Variants in TRIM4 observed in about 807,000 individuals in gnomAD.
TRIM4 encodes the protein E3 ubiquitin-protein ligase TRIM4.
TRIM4 carries 29 observed loss-of-function variants against 33.7 expected under a neutral mutation model. That is an observed-to-expected ratio of 0.86 (90% confidence interval 0.64 to 1.17). The LOEUF (loss-of-function observed/expected upper bound fraction) is 1.17. Ranked by LOEUF, TRIM4 falls within the 50% of genes most tolerant of loss-of-function variation. The pLI is 0.00. For synonymous variants in TRIM4, 224 were observed against 233.0 expected (o/e 0.96, Z 0.35); for missense variants, 554 against 593.7 (o/e 0.93, Z 0.69).
chr7:99,892,483 C>CA lies in TRIM4; in HGVS notation c.1104dup (p.Gly369TrpfsTer12), dbSNP rs752364699. ...CCCATGACGTCCTCCCGACACACCC[C>CA]AACAGCAACCTCCAGACTATCTCTA... On this transcript the variant is annotated frameshift_variant, in exon 6 of 6. Coordinates refer to ENST00000349062, the MANE Select transcript of TRIM4 (RefSeq NM_033091.3). LOFTEE classifies it low-confidence loss of function (END_TRUNC). 4.3e-6 allele frequency: 7 copies of CA among 1,614,164 alleles called. No homozygotes were observed. The Admixed American group carries it at 1.2e-4, about 27-fold the overall frequency.
intron 1 of TRIM4, among the ~76,000 whole-genome samples, chr7:99,916,544 C>T (rs531484110): frequency 9.2e-5 from 14 of 152,296 alleles, no homozygotes; most frequent in African/African-American, 3.4e-4. Context: ...AGTCATCTAC[C>T]TGCCATCTGA....
intron 5 of TRIM4, chr7:99,901,804 C>T: frequency 3.3e-6 from 1 of 305,424 alleles, no homozygotes; most frequent in Non-Finnish European, 6.0e-6. Context: ...TAGATTTTCA[C>T]AGGCATGTGC....
At chr7:99,907,536 GTATTTTAAATGTGT>G (rs1192317549) in intron 3 of TRIM4, among the ~76,000 whole-genome samples, 2 of 152,196 alleles carry the variant, frequency 1.3e-5, no homozygotes, top group African/African-American at 4.8e-5. Flanking sequence ...TGTTAAGCCT[GTATTTTAAATGTGT>G]TATTTCAGAG....
At chr7:99,903,963 C>A (rs1381275103) in intron 3 of TRIM4, among the ~76,000 whole-genome samples, 3 of 152,170 alleles carry the variant, frequency 2.0e-5, no homozygotes, top group Non-Finnish European at 2.9e-5. Flanking sequence ...TGTTGTTTTA[C>A]AAGATTGCTT....
intron 5 of TRIM4, among the ~76,000 whole-genome samples, chr7:99,896,040 TTG>T (rs374510134): frequency 6.6e-6 from 1 of 152,288 alleles, no homozygotes; most frequent in African/African-American, 2.4e-5. Flanking sequence ...ATGATTAGAT[TTG>T]TGTCTATTAT....
Position 99,892,017 on chromosome 7 carries a change from A to G in TRIM4, c.*146T>C. The G allele has an allele frequency of 1.4e-6, 1 of 721,578 alleles. No homozygotes were observed. Among genetic ancestry groups the G allele is most frequent in the Non-Finnish European group, 2.2e-6 (1 of 454,916 alleles). 44.7% of individuals were successfully genotyped at this position (721,578 alleles called of 1,614,324 possible). A position where few individuals can be genotyped will look rare whatever the true frequency, so the allele number is the denominator to read the frequency against. ...TGGGACTGCCTCTTGTGAAGCACAC[A>G]AAGGGCAGATACCAAACGGTACCGT... On this transcript the variant is annotated 3_prime_UTR_variant, in exon 6 of 6. Transcript: ENST00000349062.
chr7:99,909,702 A>G (rs1174768276), intron 1 of TRIM4, 42 bp from the exon 2 acceptor site: 2 of 1,285,504 alleles, frequency 1.6e-6, no homozygotes, highest in Non-Finnish European at 2.2e-6. Context: ...CACATCTCCA[A>G]CCATCATCAT....
chr7:99,915,854 T>C (rs1238927201), intron 1 of TRIM4, among the ~76,000 whole-genome samples: 1 of 152,192 alleles, frequency 6.6e-6, no homozygotes, highest in Non-Finnish European at 1.5e-5. Flanking sequence ...CCACCTCTTC[T>C]AAGAAGTCTT....
intron 1 of TRIM4, chr7:99,916,663 CCAT>C: frequency 2.6e-6 from 2 of 776,982 alleles, no homozygotes; most frequent in Non-Finnish European, 4.8e-6. Context: ...CCCTCCCTCT[CCAT>C]CATCCCTGCC....
At chr7:99,918,425 T>G (rs1189233773) in intron 1 of TRIM4, among the ~76,000 whole-genome samples, 2 of 151,746 alleles carry the variant, frequency 1.3e-5, no homozygotes, top group Non-Finnish European at 2.9e-5. Flanking sequence ...ATTAACCGGG[T>G]GTGGTGGCGT....
intron 1 of TRIM4, among the ~76,000 whole-genome samples, chr7:99,914,803 T>A (rs2151652949): frequency 6.6e-6 from 1 of 152,122 alleles, no homozygotes; most frequent in African/African-American, 2.4e-5. Flanking sequence ...TTTTTCTTTT[T>A]TTCTTTTTTT....
At chr7:99,915,757 T>G (rs1041838154) in intron 1 of TRIM4, among the ~76,000 whole-genome samples, 22 of 152,188 alleles carry the variant, frequency 1.4e-4, no homozygotes, top group African/African-American at 5.3e-4. Context: ...ACCTACGAAG[T>G]CAACCTTGTG....
chr7:99,903,543 C>T, intron 4 of TRIM4, 33 bp downstream of exon 4: 3 of 1,613,990 alleles, frequency 1.9e-6, no homozygotes, highest in Non-Finnish European at 2.5e-6. Context: ...TACCATGCCA[C>T]CCAGGTCCCC....
intron 1 of TRIM4, among the ~76,000 whole-genome samples, chr7:99,913,985 C>T (rs1819499084): frequency 6.6e-6 from 1 of 152,204 alleles, no homozygotes; most frequent in Admixed American, 6.5e-5. Context: ...TAAATACCAT[C>T]CCAGCTCTTG....
At chr7:99,918,614 T>A (rs147836848) in intron 1 of TRIM4, among the ~76,000 whole-genome samples, 1 of 152,210 alleles carries the variant, frequency 6.6e-6, no homozygotes, top group Admixed American at 6.5e-5. Context: ...GCTTTGAATA[T>A]TTGGGGTAAT....
intron 3 of TRIM4, among the ~76,000 whole-genome samples, chr7:99,904,657 G>GTA (rs1390954511): frequency 5.3e-5 from 8 of 152,084 alleles, no homozygotes; most frequent in African/African-American, 1.9e-4. Context: ...CAACTTTTTG[G>GTA]TAAACCTAAA....
chr7:99,903,015 G>A (rs1329969386), intron 5 of TRIM4, among the ~76,000 whole-genome samples: 3 of 152,080 alleles, frequency 2.0e-5, no homozygotes, highest in Non-Finnish European at 4.4e-5. Context: ...AAGTGAACAG[G>A]TCTCTTCTTT....
At position 99,892,735 on chromosome 7, in the gene TRIM4, G is replaced by T. The variant is rs763220193; in HGVS notation, c.853C>A (p.Leu285Ile). 16 of 1,611,850 alleles carry T rather than the reference G, an allele frequency of 9.9e-6. No homozygotes were observed. The South Asian group carries it at 1.5e-4, about 16-fold the overall frequency. Residue 285 changes from leucine to isoleucine, a missense_variant, in exon 6 of 6, where the codon CTA becomes ATA. Around this residue, in one of 3 missense-constraint regions of TRIM4, gnomAD observed 290 missense variants for 335.8 expected, o/e 0.86. Transcript: ENST00000349062. Reference sequence around the variant, plus strand: ...TTGGGATGAGCTGTGTCTTCAGCTAGGTTTACAGCCACTGTGGAGAAAATG... The same window carrying T: ...TTGGGATGAGCTGTGTCTTCAGCTATGTTTACAGCCACTGTGGAGAAAATG... ...MLKRFQVAVN[L>I]AEDTAHPKLV... is the part of the protein sequence containing the mutation.
At chr7:99,917,583 C>G (rs2151654729) in intron 1 of TRIM4, among the ~76,000 whole-genome samples, 1 of 152,206 alleles carries the variant, frequency 6.6e-6, no homozygotes, top group East Asian at 1.9e-4. Context: ...GCTGGGCATG[C>G]TGGCAGGTGC....
Sources: gnomAD v4.1 joint callset for allele counts (sites outside exome capture counted in the v4.1 genomes callset) on GRCh38, gnomAD v4.1.1 for gene constraint, gnomAD v4.1.1 regional missense constraint, MANE v1.5 for transcripts, NCBI Gene and HGNC (gene_info 2026-07-23, HGNC 2026-07-21) for gene names.